Variants in TFEC observed in about 807,000 individuals in gnomAD.
TFEC encodes the protein class E basic helix-loop-helix protein 34.
Under a neutral mutation model 41.6 loss-of-function variants are expected in TFEC, and 31 were observed. The ratio of observed to expected loss-of-function variants is 0.74; its 90% CI spans 0.56 to 1.01. The LOEUF is 1.01. TFEC is among the 50% of genes least tolerant of loss of function. The pLI, the probability that TFEC is intolerant of heterozygous loss-of-function variation, is 0.00. For synonymous variants in TFEC, 143 were observed against 140.6 expected (o/e 1.02, Z -0.12); for missense variants, 402 against 404.1 (o/e 0.99, Z 0.04).
chr7:115,935,255 C>A lies in TFEC; in HGVS notation c.*5296G>T, dbSNP rs1473950767. Reference sequence around the variant, plus strand: ...GTATGTATTAAAGTACACCAAAGTTCTCCATTTTCTTAGAAAATAAGACAC... The same window carrying A: ...GTATGTATTAAAGTACACCAAAGTTATCCATTTTCTTAGAAAATAAGACAC... On this transcript the variant is annotated 3_prime_UTR_variant, in exon 8 of 8. Coordinates refer to ENST00000265440, the MANE Select transcript of TFEC (RefSeq NM_012252.4). The A allele has an allele frequency of 6.6e-6, 1 of 151,938 alleles. No homozygotes were observed. Among genetic ancestry groups the A allele is most frequent in the Non-Finnish European group, 1.5e-5 (1 of 67,638 alleles). The allele number at this position is 151,938 out of a possible 1,614,324, so 9.4% of individuals were successfully genotyped here.
chr7:116,151,815 T>C (rs1234721916), intron 1 of TFEC, among the ~76,000 whole-genome samples: 1 of 152,194 alleles, frequency 6.6e-6, no homozygotes, highest in African/African-American at 2.4e-5. Flanking sequence ...TATAAAATAC[T>C]ACTGAAACCT....
At chr7:115,969,029 G>T (rs923621964) in intron 3 of TFEC, among the ~76,000 whole-genome samples, 1 of 151,732 alleles carries the variant, frequency 6.6e-6, no homozygotes, top group East Asian at 2.0e-4. Flanking sequence ...CTTTATTCTT[G>T]TTGCAGTAGT....
chr7:116,143,290 T>C (rs1280515597), intron 1 of TFEC, among the ~76,000 whole-genome samples: 3 of 152,182 alleles, frequency 2.0e-5, no homozygotes, highest in Admixed American at 6.5e-5. Flanking sequence ...CTTTGGACTA[T>C]TCACACAAGA....
At chr7:116,147,056 T>C (rs1157286413) in intron 1 of TFEC, among the ~76,000 whole-genome samples, 1 of 151,932 alleles carries the variant, frequency 6.6e-6, no homozygotes, top group Non-Finnish European at 1.5e-5. Context: ...TTACTCAAAA[T>C]GAAACACAGA....
In TFEC at chr7:115,941,952, A is replaced by G. The variant is rs1286085428; in HGVS notation, c.604T>C (p.Leu202=). 1 of 1,613,140 alleles carries G rather than the reference A, an allele frequency of 6.2e-7. No homozygotes were observed. Among genetic ancestry groups the G allele is most frequent in the East Asian group, 2.2e-5 (1 of 44,812 alleles). ...LQKEQQRARE[L]EHRQKKLEQA... ...TCTAATTTCTTCTGTCTGTGTTCCA[A>G]TTCTCGGGCTCTCTGTTGTTCTTTT... Residue 202 remains leucine, a synonymous_variant, in exon 7 of 8, where the codon TTG becomes CTG. Transcript: ENST00000265440.
intron 3 of TFEC, among the ~76,000 whole-genome samples, chr7:116,058,898 G>A (rs1448782031): frequency 6.6e-6 from 1 of 151,588 alleles, no homozygotes; most frequent in Non-Finnish European, 1.5e-5. Flanking sequence ...GCAATATTGA[G>A]GGACGAATTT....
chr7:115,949,139 A>C (rs368584895), intron 6 of TFEC, among the ~76,000 whole-genome samples: 20 of 152,086 alleles, frequency 1.3e-4, no homozygotes, highest in African/African-American at 3.4e-4. Flanking sequence ...ATCCAACTTA[A>C]AAGGGATGTG....
At chr7:116,047,695 C>A (rs1362347469) in intron 3 of TFEC, among the ~76,000 whole-genome samples, 1 of 152,202 alleles carries the variant, frequency 6.6e-6, no homozygotes, top group Non-Finnish European at 1.5e-5. Context: ...AACTGACAGA[C>A]TGCCTCCTCA....
At chr7:116,032,639 C>G (rs994840200), upstream of TFEC, among the ~76,000 whole-genome samples, 1 of 152,012 alleles carries the variant, frequency 6.6e-6, no homozygotes, top group Non-Finnish European at 1.5e-5. Flanking sequence ...GATGAGAACA[C>G]AAGGACACAT....
At chr7:116,149,026 T>C (rs915411165) in intron 1 of TFEC, among the ~76,000 whole-genome samples, 3 of 152,132 alleles carry the variant, frequency 2.0e-5, no homozygotes, top group Non-Finnish European at 4.4e-5. Flanking sequence ...AATTATGGTG[T>C]ATCCAGTTAA....
chr7:116,134,717 T>C lies in TFEC; in HGVS notation c.-68-22679A>G, dbSNP rs183715003. ...ATTAAGTATATGAACCCAAATACTT[T>C]CTCTAATTATACACATCTTACAAAT... On this transcript the variant is annotated intron_variant, in intron 1 of 8. Transcript: ENST00000484212. 2.0e-3 allele frequency among the ~76,000 whole-genome samples: 308 copies of C among 152,268 alleles called. 1 individual carries two copies. The highest frequency in any genetic ancestry group is 6.7e-3 in the African/African-American group (280 of 41,572).
At chr7:116,079,986 T>C (rs544775732) in intron 3 of TFEC, among the ~76,000 whole-genome samples, 106 of 152,150 alleles carry the variant, frequency 7.0e-4, no homozygotes, top group Middle Eastern at 3.4e-3. Context: ...AATAGGCACA[T>C]AGACCAATGG....
At chr7:116,094,197 T>C (rs1797394852) in intron 3 of TFEC, among the ~76,000 whole-genome samples, 1 of 152,188 alleles carries the variant, frequency 6.6e-6, no homozygotes. Context: ...ACAGAGAATT[T>C]GCCTCCAGCA....
rs571251681 is a variant in TFEC at position 116,142,926 on chromosome 7, C to T, written c.-69+16864G>A. On this transcript the variant is annotated intron_variant, in intron 1 of 8. Transcript: ENST00000484212. Reference sequence around the variant, plus strand: ...CCTGGTATAAATGTAGCATAGACCACCGATTATTTATAGAACCCTCTGAGT... The same window carrying T: ...CCTGGTATAAATGTAGCATAGACCATCGATTATTTATAGAACCCTCTGAGT... Among the ~76,000 whole-genome samples the T allele has an allele frequency of 6.6e-4, 100 of 152,270 alleles. 1 individual carries two copies. The highest frequency in any genetic ancestry group is 6.8e-3 in the Middle Eastern group (2 of 294).
At chr7:116,092,696 T>C (rs1413345179) in intron 3 of TFEC, among the ~76,000 whole-genome samples, 3 of 152,138 alleles carry the variant, frequency 2.0e-5, no homozygotes, top group Admixed American at 6.6e-5. Context: ...ATTTAATTAA[T>C]TTGTTTGGGC....
upstream of TFEC, among the ~76,000 whole-genome samples, chr7:116,031,969 T>C (rs1167567793): frequency 1.3e-5 from 2 of 152,140 alleles, no homozygotes; most frequent in Non-Finnish European, 2.9e-5. Flanking sequence ...AAAGAAAATA[T>C]TTGGGATTTT....
At chr7:116,058,978 C>CATT (rs1796491265) in intron 3 of TFEC, among the ~76,000 whole-genome samples, 1 of 151,428 alleles carries the variant, frequency 6.6e-6, no homozygotes, top group Non-Finnish European at 1.5e-5. Flanking sequence ...TACCTTAACA[C>CATT]ATTAGAAAAA....
intron 3 of TFEC, among the ~76,000 whole-genome samples, chr7:116,101,390 A>G (rs919976325): frequency 1.3e-5 from 2 of 152,170 alleles, no homozygotes; most frequent in Admixed American, 6.5e-5. Flanking sequence ...GGAAAAGTTA[A>G]TAACAGTGAA....
At chr7:116,150,750 A>G (rs2116460918) in intron 1 of TFEC, among the ~76,000 whole-genome samples, 1 of 152,274 alleles carries the variant, frequency 6.6e-6, no homozygotes, top group Admixed American at 6.5e-5. Flanking sequence ...ACTAACACTT[A>G]AAAATTCATA....
Sources: allele counts gnomAD v4.1 joint callset (sites outside exome capture counted in the v4.1 genomes callset), GRCh38; gene constraint gnomAD v4.1.1; transcripts MANE v1.5; gene names NCBI Gene and HGNC (gene_info 2026-07-23, HGNC 2026-07-21).